Variants in CHSY3 observed in about 807,000 individuals in gnomAD.
The protein encoded by CHSY3 is chondroitin sulfate synthase 3, also known as N-acetylgalactosaminyl-proteoglycan 3-beta-glucuronosyltransferase 3.
A neutral mutation model predicts 67.2 loss-of-function variants in CHSY3; 35 were observed. The observed-to-expected ratio is 0.52, with a 90% CI of 0.40 to 0.69. The LOEUF (loss-of-function observed/expected upper bound fraction) is 0.69, where lower values mean the gene tolerates loss of function less well. CHSY3 is among the 30% of genes least tolerant of loss of function. The probability of loss-of-function intolerance (pLI) is 0.00; values close to 1 mark genes in which losing one functional copy is unlikely to be tolerated. For missense variants in CHSY3, 1,069 were observed against 1,138.5 expected, an observed-to-expected ratio of 0.94 and a Z score of 0.88; for synonymous variants, 474 against 434.7, an observed-to-expected ratio of 1.09 and a Z score of -1.12.
At chr5:130,087,395 G>A (rs62391445) in intron 2 of CHSY3, among the ~76,000 whole-genome samples, 8,523 of 151,990 alleles carry the variant, frequency 0.056, 351 homozygotes, top group Non-Finnish European at 0.082. Context: ...AGGAAATAAA[G>A]GTATTCAATT....
intron 2 of CHSY3, chr5:130,141,288 A>C: frequency 2.3e-6 from 1 of 430,438 alleles, no homozygotes; most frequent in Non-Finnish European, 4.5e-6. Context: ...CATTCCTATC[A>C]AGCAGACATA....
chr5:130,136,233 G>T (rs1445693367), intron 2 of CHSY3, among the ~76,000 whole-genome samples: 1 of 152,088 alleles, frequency 6.6e-6, no homozygotes, highest in Non-Finnish European at 1.5e-5. Flanking sequence ...AAGTGGAGTG[G>T]TTGCCAGAGG....
At chr5:129,978,571 TACAA>T (rs1269324951) in intron 2 of CHSY3, among the ~76,000 whole-genome samples, 5 of 152,150 alleles carry the variant, frequency 3.3e-5, no homozygotes, top group Non-Finnish European at 7.4e-5. Flanking sequence ...AAAGATGAAT[TACAA>T]ACAGTTCTTG....
At chr5:130,091,809 T>G (rs1053770839) in intron 2 of CHSY3, among the ~76,000 whole-genome samples, 2 of 152,186 alleles carry the variant, frequency 1.3e-5, no homozygotes, top group Admixed American at 1.3e-4. Context: ...ATCTCAATTT[T>G]AATGACCTCT....
At chr5:130,044,832 AT>A (rs1580679192) in intron 2 of CHSY3, among the ~76,000 whole-genome samples, 2 of 152,140 alleles carry the variant, frequency 1.3e-5, no homozygotes, top group African/African-American at 4.8e-5. Flanking sequence ...TGGGTGGGTC[AT>A]TCCCCGGATG....
chr5:129,946,354 A>C (rs1033185934), intron 2 of CHSY3, among the ~76,000 whole-genome samples: 6 of 152,194 alleles, frequency 3.9e-5, no homozygotes, highest in African/African-American at 1.4e-4. Context: ...AAATTAGGCC[A>C]GGGCAAAATT....
chr5:130,167,162 A>T (rs1460234591), intron 2 of CHSY3, among the ~76,000 whole-genome samples: 1 of 152,016 alleles, frequency 6.6e-6, no homozygotes, highest in African/African-American at 2.4e-5. Flanking sequence ...TTTTATATAC[A>T]TACACAAAGC....
intron 2 of CHSY3, among the ~76,000 whole-genome samples, chr5:129,995,748 G>T (rs979117213): frequency 7.9e-5 from 12 of 151,698 alleles, no homozygotes; most frequent in African/African-American, 2.9e-4. Context: ...AGAATGATCT[G>T]GTTCCAAACC....
At chr5:129,945,229 T>G (rs1211873887) in intron 2 of CHSY3, among the ~76,000 whole-genome samples, 3 of 152,218 alleles carry the variant, frequency 2.0e-5, no homozygotes, top group Admixed American at 6.5e-5. Context: ...AGATGGACAT[T>G]AGGAAACTCT....
chr5:130,159,550 T>G (rs531572492), intron 2 of CHSY3, among the ~76,000 whole-genome samples: 6 of 152,362 alleles, frequency 3.9e-5, no homozygotes, highest in African/African-American at 1.4e-4. Flanking sequence ...TTTCTTTTAC[T>G]TATTGTGCAG....
chr5:130,164,400 A>T (rs1393350213), intron 2 of CHSY3, among the ~76,000 whole-genome samples: 3 of 152,190 alleles, frequency 2.0e-5, no homozygotes, highest in Admixed American at 6.5e-5. Flanking sequence ...AGAAGTCTAT[A>T]TATCAGGAAG....
intron 2 of CHSY3, among the ~76,000 whole-genome samples, chr5:129,976,998 A>C (rs537373850): frequency 6.6e-6 from 1 of 151,848 alleles, no homozygotes; most frequent in Non-Finnish European, 1.5e-5. Context: ...TACTAGCCTA[A>C]AATTTTCATT....
At chr5:130,117,077 G>A (rs77871568) in intron 2 of CHSY3, among the ~76,000 whole-genome samples, 2 of 152,132 alleles carry the variant, frequency 1.3e-5, no homozygotes, top group African/African-American at 4.8e-5. Context: ...AGGTGAAGTT[G>A]GATGGGAGCA....
chr5:129,940,270 A>G (rs1761657331), intron 2 of CHSY3, among the ~76,000 whole-genome samples: 1 of 152,178 alleles, frequency 6.6e-6, no homozygotes, highest in South Asian at 2.1e-4. Flanking sequence ...TTCTTTGTTT[A>G]CTACCTATAT....
intron 2 of CHSY3, among the ~76,000 whole-genome samples, chr5:130,087,373 T>A (rs1190117436): frequency 6.6e-6 from 1 of 152,092 alleles, no homozygotes; most frequent in Non-Finnish European, 1.5e-5. Flanking sequence ...GCCAGGGCAA[T>A]TAGGCAGGAG....
intron 2 of CHSY3, among the ~76,000 whole-genome samples, chr5:130,099,161 C>T (rs1767147075): frequency 6.6e-6 from 1 of 152,192 alleles, no homozygotes; most frequent in South Asian, 2.1e-4. Flanking sequence ...TTCTACCTCC[C>T]ACAAACCAAT....
intron 2 of CHSY3, among the ~76,000 whole-genome samples, chr5:130,034,656 CA>C (rs954402438): frequency 1.3e-5 from 2 of 151,756 alleles, no homozygotes; most frequent in Non-Finnish European, 2.9e-5. Flanking sequence ...AGTAAGCAAT[CA>C]AAAAAAATTT....
chr5:130,167,468 T>C (rs1769781265), intron 2 of CHSY3, among the ~76,000 whole-genome samples: 1 of 152,126 alleles, frequency 6.6e-6, no homozygotes, highest in African/African-American at 2.4e-5. Flanking sequence ...GAAAGGAATT[T>C]ACAACTGCAA....
chr5:130,120,763 A>G (rs1032147141), intron 2 of CHSY3, among the ~76,000 whole-genome samples: 10 of 152,190 alleles, frequency 6.6e-5, no homozygotes, highest in Admixed American at 3.9e-4. Context: ...ATGAAAAACA[A>G]AAAAGAGAGA....
Sources: gnomAD v4.1 joint callset for allele counts (sites outside exome capture counted in the v4.1 genomes callset) on GRCh38, gnomAD v4.1.1 for gene constraint, MANE v1.5 for transcripts, NCBI Gene and HGNC (gene_info 2026-07-23, HGNC 2026-07-21) for gene names.